Variants in SPRED2 observed in about 807,000 individuals in gnomAD.
SPRED2 encodes sprouty related EVH1 domain containing 2, also known as sprouty-related, EVH1 domain-containing protein 2.
A neutral mutation model predicts 43.0 loss-of-function variants in SPRED2; 47 were observed. The ratio of observed to expected loss-of-function variants is 1.09; its 90% CI spans 0.87 to 1.40. SPRED2 has a LOEUF of 1.40. Among genes scored for constraint, SPRED2 ranks in the 40% most tolerant of loss-of-function variants. The probability of loss-of-function intolerance (pLI) is 0.00; values close to 1 mark genes in which losing one functional copy is unlikely to be tolerated. For missense variants in SPRED2, 561 were observed against 586.4 expected (o/e 0.96, Z 0.45); for synonymous variants, 225 against 225.7 (o/e 1.00, Z 0.03).
chr2:65,360,487 C>T (rs1441211979), intron 1 of SPRED2, among the ~76,000 whole-genome samples: 4 of 152,214 alleles, frequency 2.6e-5, no homozygotes. Flanking sequence ...ATTATTCCGC[C>T]TTAACAAAGA....
At chr2:65,394,834 T>C (rs1279931716) in intron 1 of SPRED2, among the ~76,000 whole-genome samples, 3 of 152,232 alleles carry the variant, frequency 2.0e-5, no homozygotes. Flanking sequence ...GGCTTTTTCA[T>C]TTTTATATGA....
At chr2:65,327,922 C>T (rs1050637613) in intron 4 of SPRED2, among the ~76,000 whole-genome samples, 36 of 151,792 alleles carry the variant, frequency 2.4e-4, no homozygotes, top group Non-Finnish European at 2.9e-4. Context: ...TGGGGTTTCA[C>T]CATGTTGGCC....
chr2:65,363,334 C>T (rs747058716), intron 1 of SPRED2, among the ~76,000 whole-genome samples: 1 of 151,594 alleles, frequency 6.6e-6, no homozygotes, highest in Non-Finnish European at 1.5e-5. Flanking sequence ...GTGCAGTTGA[C>T]GCAACAAGCT....
At chr2:65,430,607 C>G (rs1676654182) in intron 1 of SPRED2, among the ~76,000 whole-genome samples, 2 of 152,216 alleles carry the variant, frequency 1.3e-5, no homozygotes, top group Admixed American at 1.3e-4. Context: ...GGCTCAATGC[C>G]TGCGGGGGGC....
intron 1 of SPRED2, among the ~76,000 whole-genome samples, chr2:65,401,937 G>GCGCGCGCGCGCGCACGCGCA (rs776512353): frequency 8.7e-6 from 1 of 114,714 alleles, no homozygotes; most frequent in African/African-American, 3.4e-5. Context: ...GCGCGCGCGC[G>GCGCGCGCGCGCGCACGCGCA]CACACACACA....
intron 1 of SPRED2, among the ~76,000 whole-genome samples, chr2:65,428,995 G>A (rs1175489568): frequency 1.3e-5 from 2 of 152,172 alleles, no homozygotes; most frequent in African/African-American, 4.8e-5. Flanking sequence ...ATTTTTATGT[G>A]GAGGGGGGAC....
chr2:65,399,006 C>T (rs760361950), intron 1 of SPRED2, among the ~76,000 whole-genome samples: 24 of 152,162 alleles, frequency 1.6e-4, no homozygotes, highest in Non-Finnish European at 3.4e-4. Context: ...TAGCTGGGCG[C>T]GGTGGCTCAT....
intron 1 of SPRED2, among the ~76,000 whole-genome samples, chr2:65,419,777 C>A (rs1387166553): frequency 6.6e-6 from 1 of 152,160 alleles, no homozygotes; most frequent in East Asian, 1.9e-4. Flanking sequence ...GGTTCACAAA[C>A]AATGCATGGA....
chr2:65,322,268 C>CTATA (rs1558649721), intron 4 of SPRED2, among the ~76,000 whole-genome samples: 9 of 38,370 alleles, frequency 2.3e-4, no homozygotes, highest in Admixed American at 3.9e-4. Flanking sequence ...CTCTCTCTCT[C>CTATA]TCTATATATA....
intron 1 of SPRED2, among the ~76,000 whole-genome samples, chr2:65,381,538 T>C (rs1446264214): frequency 1.3e-5 from 2 of 152,228 alleles, no homozygotes; most frequent in South Asian, 2.1e-4. Flanking sequence ...TAGCTGCACA[T>C]AGCAAAAGGC....
chr2:65,338,004 G>GT (rs1392724587), intron 2 of SPRED2, among the ~76,000 whole-genome samples: 9 of 152,186 alleles, frequency 5.9e-5, no homozygotes, highest in Non-Finnish European at 1.2e-4. Context: ...AAGAAATGTA[G>GT]TTTTTTGATA....
At chr2:65,403,549 G>A (rs992306622) in intron 1 of SPRED2, among the ~76,000 whole-genome samples, 2 of 152,170 alleles carry the variant, frequency 1.3e-5, no homozygotes, top group Non-Finnish European at 2.9e-5. Context: ...TTACATGCGT[G>A]AGCCACTACG....
chr2:65,350,291 T>C (rs980370272), intron 1 of SPRED2, among the ~76,000 whole-genome samples: 1 of 152,140 alleles, frequency 6.6e-6, no homozygotes, highest in Admixed American at 6.5e-5. Context: ...TGGTATGCCT[T>C]AGAAAAAAAT....
At chr2:65,350,050 A>C (rs536691951) in intron 1 of SPRED2, among the ~76,000 whole-genome samples, 1 of 152,232 alleles carries the variant, frequency 6.6e-6, no homozygotes, top group Non-Finnish European at 1.5e-5. Context: ...TCCATGGTGT[A>C]TTTACGTTAC....
At chr2:65,375,852 T>G (rs1320479582) in intron 1 of SPRED2, among the ~76,000 whole-genome samples, 1 of 152,226 alleles carries the variant, frequency 6.6e-6, no homozygotes, top group Non-Finnish European at 1.5e-5. Flanking sequence ...TTTCATTTGT[T>G]TGTTTCCCAT....
At chr2:65,351,400 C>A (rs139822583) in intron 1 of SPRED2, among the ~76,000 whole-genome samples, 33 of 152,242 alleles carry the variant, frequency 2.2e-4, no homozygotes, top group Middle Eastern at 3.4e-3. Flanking sequence ...CTACAGCCAG[C>A]CCTTATCTGA....
chr2:65,427,425 T>C (rs1489833822), intron 1 of SPRED2, among the ~76,000 whole-genome samples: 4 of 152,204 alleles, frequency 2.6e-5, no homozygotes, highest in East Asian at 1.9e-4. Context: ...GTTCTACTCA[T>C]GTATAGTAGA....
intron 4 of SPRED2, among the ~76,000 whole-genome samples, chr2:65,320,612 A>G (rs961970126): frequency 5.3e-5 from 8 of 152,186 alleles, no homozygotes; most frequent in African/African-American, 1.9e-4. Flanking sequence ...CTGAGGGCAG[A>G]GCTGAGGTTG....
At chr2:65,322,290 A>ATTTTTTTT (rs1346549604) in intron 4 of SPRED2, among the ~76,000 whole-genome samples, 1 of 78,952 alleles carries the variant, frequency 1.3e-5, no homozygotes, top group African/African-American at 6.1e-5. Flanking sequence ...ATATATATAT[A>ATTTTTTTT]TATATTTTTT....
Sources: gnomAD v4.1 joint callset for allele counts (sites outside exome capture counted in the v4.1 genomes callset) on GRCh38, gnomAD v4.1.1 for gene constraint, MANE v1.5 for transcripts, NCBI Gene and HGNC (gene_info 2026-07-23, HGNC 2026-07-21) for gene names.